The following ZBTB37 variants were observed in gnomAD, a reference collection of about 807,000 sequenced individuals.
The protein encoded by ZBTB37 is zinc finger and BTB domain containing 37, also known as zinc finger and BTB domain-containing protein 37.
A neutral mutation model predicts 37.7 loss-of-function variants in ZBTB37; 15 were observed. That is an observed-to-expected ratio of 0.40 (90% CI 0.27 to 0.61). The LOEUF (loss-of-function observed/expected upper bound fraction) is 0.61, where lower values mean the gene tolerates loss of function less well. Ranked by LOEUF, ZBTB37 falls within the 20% of genes least tolerant of loss-of-function variation. ZBTB37 has a pLI of 0.44. For synonymous variants in ZBTB37, 231 were observed against 220.6 expected (o/e 1.05, Z -0.42); for missense variants, 514 against 641.9 (o/e 0.80, Z 2.15).
chr1:173,896,135 T>TG (rs1238493478), exon 4 of ZBTB37: 1 of 152,218 alleles, frequency 6.6e-6, no homozygotes, highest in Non-Finnish European at 1.5e-5. Context: ...AAGAAGACCT[T>TG]GGCATTTGTA....
At chr1:173,877,253 A>T (rs905546981) in intron 4 of ZBTB37, among the ~76,000 whole-genome samples, 1 of 152,218 alleles carries the variant, frequency 6.6e-6, no homozygotes, top group Non-Finnish European at 1.5e-5. Flanking sequence ...CACACAAAAA[A>T]ACTGTAAGAC....
At chr1:173,870,796 G>C in exon 3 of ZBTB37, 1 of 1,614,220 alleles carries the variant, frequency 6.2e-7, no homozygotes, top group Non-Finnish European at 8.5e-7. Flanking sequence ...AAGTCCTCCT[G>C]AGGAGTCCAC....
At chr1:173,887,589 AC>A (rs1377766979), downstream of ZBTB37, 1 of 152,212 alleles carries the variant, frequency 6.6e-6, no homozygotes, top group Non-Finnish European at 1.5e-5. Context: ...AGCTTTGGAT[AC>A]CCCGTCTTTC....
At chr1:173,878,297 G>T (rs1164628388) in intron 4 of ZBTB37, among the ~76,000 whole-genome samples, 1 of 152,224 alleles carries the variant, frequency 6.6e-6, no homozygotes, top group East Asian at 1.9e-4. Context: ...TTAGTTTTGT[G>T]TCTCCTGTTA....
downstream of ZBTB37, chr1:173,887,529 T>G (rs527241212): frequency 6.6e-6 from 1 of 152,322 alleles, no homozygotes; most frequent in South Asian, 2.1e-4. Context: ...TCTGGGTATT[T>G]CTAAGATTCT....
downstream of ZBTB37, chr1:173,889,950 T>G (rs1028595775): frequency 5.3e-5 from 8 of 152,156 alleles, no homozygotes; most frequent in African/African-American, 1.9e-4. Context: ...TAGAAAAAAC[T>G]TTTTCCCCCC....
Position 173,870,912 on chromosome 1 carries a change from T to TG in ZBTB37, c.692dup (p.Arg232SerfsTer3). ...ATGTGGAGACAGGAGTGGCGGACCG[T>TG]GGGGGTCGGAGTGATGATGAAGTTA... On this transcript the variant is annotated frameshift_variant, in exon 3 of 5. Transcript: ENST00000427304. LOFTEE classifies it high-confidence loss of function. The TG allele has an allele frequency of 6.2e-7, 1 of 1,613,994 alleles. No homozygotes were observed. The highest frequency in any genetic ancestry group is 8.5e-7 in the Non-Finnish European group (1 of 1,180,006).
chr1:173,881,019 T>C (rs1467162460), intron 4 of ZBTB37, among the ~76,000 whole-genome samples: 1 of 152,118 alleles, frequency 6.6e-6, no homozygotes, highest in Admixed American at 6.5e-5. Flanking sequence ...GTTTGTTACA[T>C]ATGTATACAT....
chr1:173,900,619 A>C (rs1043492088), exon 4 of ZBTB37: 1 of 152,218 alleles, frequency 6.6e-6, no homozygotes, highest in Non-Finnish European at 1.5e-5. Flanking sequence ...GTACGTGGTA[A>C]TTTGAACTTC....
At chr1:173,876,063 A>T (rs144091858) in intron 4 of ZBTB37, among the ~76,000 whole-genome samples, 1 of 152,276 alleles carries the variant, frequency 6.6e-6, no homozygotes, top group East Asian at 1.9e-4. Context: ...AAGGATAGGA[A>T]TGATGGGTTT....
chr1:173,887,659 C>G (rs947366353), downstream of ZBTB37: 3 of 152,178 alleles, frequency 2.0e-5, no homozygotes, highest in African/African-American at 7.2e-5. Context: ...TTATAACTTA[C>G]AGTGCAAGTT....
chr1:173,869,283 G>C (rs1655323016), intron 2 of ZBTB37, among the ~76,000 whole-genome samples, 163 bp downstream of exon 2: 1 of 152,148 alleles, frequency 6.6e-6, no homozygotes, highest in African/African-American at 2.4e-5. Context: ...CGCACATTGG[G>C]CTTAAGTAAA....
chr1:173,899,947 A>G (rs999796426), exon 4 of ZBTB37: 3 of 152,166 alleles, frequency 2.0e-5, no homozygotes, highest in Non-Finnish European at 4.4e-5. Context: ...AAGCAAAACA[A>G]ATTTTCAAAG....
chr1:173,870,087 C>T (rs982239393), intron 2 of ZBTB37, 113 bp from the exon 3 acceptor site: 3 of 691,442 alleles, frequency 4.3e-6, no homozygotes, highest in South Asian at 2.5e-5. Context: ...TTTCTTTTAT[C>T]TGGAGATTTT....
At chr1:173,880,804 T>C (rs935034648) in intron 4 of ZBTB37, among the ~76,000 whole-genome samples, 5 of 152,256 alleles carry the variant, frequency 3.3e-5, no homozygotes, top group Non-Finnish European at 7.3e-5. Context: ...GCAACTTCAC[T>C]GCAGTAATTT....
exon 4 of ZBTB37, chr1:173,896,754 A>G (rs1364373548): frequency 1.3e-5 from 2 of 152,196 alleles, no homozygotes; most frequent in South Asian, 2.1e-4. Context: ...ATATTTGAAG[A>G]TGATCCACTG....
chr1:173,874,336 A>G (rs1167253663), intron 4 of ZBTB37, among the ~76,000 whole-genome samples: 1 of 148,936 alleles, frequency 6.7e-6, no homozygotes, highest in Non-Finnish European at 1.5e-5. Context: ...TATAGAAAAC[A>G]TCTTTTTTTT....
chr1:173,873,436 A>G (rs1572052270), intron 3 of ZBTB37, 31 bp from the exon 4 acceptor site: 6 of 1,569,206 alleles, frequency 3.8e-6, no homozygotes, highest in East Asian at 2.3e-5. Flanking sequence ...CTGCTTTTGT[A>G]TTAGTCCCCT....
chr1:173,893,750 A>G (rs1276681058), exon 4 of ZBTB37: 1 of 152,262 alleles, frequency 6.6e-6, no homozygotes, highest in Non-Finnish European at 1.5e-5. Context: ...AATCCTTATG[A>G]CAATCCCATG....
Sources: gnomAD v4.1 joint callset for allele counts (sites outside exome capture counted in the v4.1 genomes callset) on GRCh38, gnomAD v4.1.1 for gene constraint, MANE v1.5 for transcripts, NCBI Gene and HGNC (gene_info 2026-07-23, HGNC 2026-07-21) for gene names.